The following KATNAL1 variants were observed in gnomAD, a reference collection of about 807,000 sequenced individuals.
KATNAL1 encodes the protein katanin p60 ATPase-containing subunit A-like 1.
Under a neutral mutation model 55.2 loss-of-function variants are expected in KATNAL1, and 32 were observed. That is an observed-to-expected ratio of 0.58 (90% CI 0.44 to 0.78). The LOEUF is 0.78. Ranked by LOEUF, KATNAL1 falls within the 30% of genes least tolerant of loss-of-function variation. The pLI is 0.00. For synonymous variants in KATNAL1, 193 were observed against 193.6 expected (o/e 1.00, Z 0.02); for missense variants, 466 against 600.9 (o/e 0.78, Z 2.35).
intron 4 of KATNAL1, among the ~76,000 whole-genome samples, chr13:30,247,562 T>C (rs1342127329): frequency 2.0e-5 from 3 of 152,116 alleles, no homozygotes; most frequent in Admixed American, 1.3e-4. Flanking sequence ...GTAAAATATA[T>C]AGTAAAACAG....
chr13:30,282,651 A>AAAAG (rs199901099), intron 2 of KATNAL1, among the ~76,000 whole-genome samples: 21 of 150,894 alleles, frequency 1.4e-4, no homozygotes, highest in East Asian at 3.9e-4. Flanking sequence ...AAAAAAAAAA[A>AAAAG]AAAGAAAGAA....
Position 30,205,235 on chromosome 13 carries a change from CTT to C in KATNAL1, c.*3303_*3304del, listed in dbSNP as rs1022909683. 4.1e-4 allele frequency: 62 copies of C among 152,314 alleles called. No individual in the cohort carries two copies. Among genetic ancestry groups the C allele is most frequent in the African/African-American group, 1.4e-3 (59 of 41,566 alleles). The allele number at this position is 152,314 out of a possible 1,614,324, so 9.4% of individuals were successfully genotyped here. A position where few individuals can be genotyped will look rare whatever the true frequency, so the allele number is the denominator to read the frequency against. On this transcript the variant is annotated 3_prime_UTR_variant, in exon 11 of 11. Coordinates refer to ENST00000380615, the MANE Select transcript of KATNAL1 (RefSeq NM_032116.5). ...TGCCTCTCCATCAGTGATCTAAACT[CTT>C]GTTTCAGTAGTAGAAGCCAGAAGCT...
rs1160285865 is a variant in KATNAL1 at position 30,203,879 on chromosome 13, A to G, written c.*4661T>C. On this transcript the variant is annotated 3_prime_UTR_variant, in exon 11 of 11. Coordinates refer to ENST00000380615, the MANE Select transcript of KATNAL1 (RefSeq NM_032116.5). ...TCCACATTAAGAAACAAATATTAAAAGCAAATGTCAAAAAAATTTAAGTAT... is the reference window on the plus strand; with the variant it reads ...TCCACATTAAGAAACAAATATTAAAGGCAAATGTCAAAAAAATTTAAGTAT... 6.6e-6 allele frequency: 1 copy of G among 151,488 alleles called. No homozygotes were observed. The highest frequency in any genetic ancestry group is 1.5e-5 in the Non-Finnish European group (1 of 68,030). 9.4% of individuals were successfully genotyped at this position (151,488 alleles called of 1,614,324 possible). A position where few individuals can be genotyped will look rare whatever the true frequency, so the allele number is the denominator to read the frequency against.
rs370835127 is a variant in KATNAL1 at position 30,215,116 on chromosome 13, C to A, written c.1148-4674G>T. ...ACCCCATCAAAAAGTGGGCGAAGGA[C>A]ATGAACAGACACTTCTCAAAAGAAG... is the stretch of plus-strand genomic sequence containing the variant. On this transcript the variant is annotated intron_variant, in intron 9 of 10. Coordinates refer to ENST00000380615, the MANE Select transcript of KATNAL1 (RefSeq NM_032116.5). Among the ~76,000 whole-genome samples the A allele has an allele frequency of 2.8e-3, 423 of 151,316 alleles. 4 individuals carry two copies. Among genetic ancestry groups the A allele is most frequent in the African/African-American group, 9.7e-3 (401 of 41,176 alleles).
intron 6 of KATNAL1, among the ~76,000 whole-genome samples, chr13:30,238,042 G>A (rs192899661): frequency 3.0e-3 from 452 of 152,064 alleles, no homozygotes; most frequent in Non-Finnish European, 3.0e-3. Context: ...ACTTCTGAAC[G>A]TGCTCTTTGC....
chr13:30,293,255 T>C (rs193030319), intron 1 of KATNAL1, among the ~76,000 whole-genome samples: 1 of 152,324 alleles, frequency 6.6e-6, no homozygotes, highest in Non-Finnish European at 1.5e-5. Context: ...CTCTACTTTC[T>C]TGGAGATGTT....
intron 3 of KATNAL1, among the ~76,000 whole-genome samples, chr13:30,276,931 A>G (rs1308961627): frequency 6.6e-6 from 1 of 152,210 alleles, no homozygotes; most frequent in African/African-American, 2.4e-5. Context: ...ATAATAATAA[A>G]TTAGTGATGA....
At chr13:30,229,084 T>C (rs932467126) in intron 8 of KATNAL1, among the ~76,000 whole-genome samples, 3 of 152,280 alleles carry the variant, frequency 2.0e-5, no homozygotes, top group East Asian at 1.9e-4. Flanking sequence ...ATGTATTTTA[T>C]CTGTTCTAAT....
At chr13:30,239,632 G>A (rs1056768689) in intron 6 of KATNAL1, among the ~76,000 whole-genome samples, 9 of 150,658 alleles carry the variant, frequency 6.0e-5, no homozygotes, top group Non-Finnish European at 1.0e-4. Context: ...CAAAAGCACA[G>A]CAAGGACAAA....
At chr13:30,295,673 T>C (rs1364208824) in intron 1 of KATNAL1, among the ~76,000 whole-genome samples, 1 of 152,152 alleles carries the variant, frequency 6.6e-6, no homozygotes, top group African/African-American at 2.4e-5. Flanking sequence ...CTTCTTGAGC[T>C]GCAATCTACT....
At chr13:30,245,949 A>G (rs1032636719) in intron 4 of KATNAL1, among the ~76,000 whole-genome samples, 3 of 152,224 alleles carry the variant, frequency 2.0e-5, no homozygotes, top group Admixed American at 6.5e-5. Flanking sequence ...AAGAATCAAT[A>G]TCGTGAAAAT....
At chr13:30,270,561 A>G (rs1880254575) in intron 3 of KATNAL1, among the ~76,000 whole-genome samples, 1 of 152,108 alleles carries the variant, frequency 6.6e-6, no homozygotes, top group Admixed American at 6.5e-5. Context: ...GAGACTTTTC[A>G]TTTTGCTCTG....
At chr13:30,251,836 G>A (rs10488669) in intron 4 of KATNAL1, among the ~76,000 whole-genome samples, 1 of 152,112 alleles carries the variant, frequency 6.6e-6, no homozygotes, top group Admixed American at 6.5e-5. Context: ...AATAAACAGA[G>A]TACTAACTAG....
At chr13:30,285,513 G>A (rs1451266981) in intron 1 of KATNAL1, among the ~76,000 whole-genome samples, 1 of 152,132 alleles carries the variant, frequency 6.6e-6, no homozygotes, top group East Asian at 1.9e-4. Flanking sequence ...ATGATTCTAA[G>A]TTTTCTGAGC....
chr13:30,264,576 A>T (rs938867612), intron 3 of KATNAL1, among the ~76,000 whole-genome samples: 1 of 151,224 alleles, frequency 6.6e-6, no homozygotes, highest in African/African-American at 2.4e-5. Context: ...ATGAACAGAC[A>T]CTTCTCAAAA....
chr13:30,266,899 G>T (rs1269507566), intron 3 of KATNAL1, among the ~76,000 whole-genome samples: 4 of 152,106 alleles, frequency 2.6e-5, no homozygotes, highest in African/African-American at 4.8e-5. Context: ...TAATATGTTG[G>T]GGGTTGGATT....
chr13:30,226,085 C>T (rs189490439), intron 9 of KATNAL1, among the ~76,000 whole-genome samples: 7 of 152,294 alleles, frequency 4.6e-5, no homozygotes, highest in Non-Finnish European at 8.8e-5. Flanking sequence ...GACAGCATTT[C>T]ATACTTACTA....
At chr13:30,271,878 G>GAAAAAAAAAAAAAA (rs71299873) in intron 3 of KATNAL1, among the ~76,000 whole-genome samples, 2 of 76,794 alleles carry the variant, frequency 2.6e-5, no homozygotes. Context: ...AAGAAAAGAG[G>GAAAAAAAAAAAAAA]AAAAAAAAAA....
intron 1 of KATNAL1, among the ~76,000 whole-genome samples, chr13:30,290,058 G>A (rs549883070): frequency 2.6e-5 from 4 of 152,220 alleles, no homozygotes; most frequent in African/African-American, 9.6e-5. Context: ...CCTGATTCAT[G>A]AGCCATTCAA....
Sources: allele counts gnomAD v4.1 joint callset (sites outside exome capture counted in the v4.1 genomes callset), GRCh38; gene constraint gnomAD v4.1.1; transcripts MANE v1.5; gene names NCBI Gene and HGNC (gene_info 2026-07-23, HGNC 2026-07-21).